The following RAPH1 variants were observed in gnomAD, a reference collection of about 807,000 sequenced individuals.
RAPH1 encodes the protein ras-associated and pleckstrin homology domains-containing protein 1.
A neutral mutation model predicts 88.1 loss-of-function variants in RAPH1; 18 were observed. That is an observed-to-expected ratio of 0.20 (90% CI 0.14 to 0.30). RAPH1 has a LOEUF of 0.30. Among genes scored for constraint, RAPH1 ranks in the 10% least tolerant of loss-of-function variants. RAPH1 has a pLI of 1.00. For missense variants in RAPH1, 1,448 were observed against 1,543.2 expected (o/e 0.94, Z 1.03); for synonymous variants, 587 against 559.0 (o/e 1.05, Z -0.71).
At position 203,440,086 on chromosome 2, in the gene RAPH1, A is replaced by C; in HGVS notation, c.3104T>G (p.Val1035Gly). Residue 1035 changes from valine (V) to glycine (G), a missense_variant, in exon 14 of 14, where the codon GTC becomes GGC. Physicochemically the swap from Val to Gly is moderately radical, Grantham distance 109. This residue lies in a region of RAPH1 where 935 missense variants were observed against 890.1 expected (regional missense o/e 1.05). Coordinates refer to ENST00000319170, the MANE Select transcript of RAPH1 (RefSeq NM_213589.3). ...TTGTTGGAGAACTCCAGGAAGGTTGACTCCAGAAAGATTGAGTTTTCCAGG... is the reference window on the plus strand; with the variant it reads ...TTGTTGGAGAACTCCAGGAAGGTTGCCTCCAGAAAGATTGAGTTTTCCAGG... ...PKPGKLNLSG[V>G]NLPGVLQQGC... is the part of the protein sequence containing the mutation. 1.2e-6 allele frequency: 2 copies of C among 1,613,216 alleles called. No individual in the cohort carries two copies. Among genetic ancestry groups the C allele is most frequent in the Non-Finnish European group, 1.7e-6 (2 of 1,179,934 alleles).
Position 203,509,091 on chromosome 2 carries a change from AAG to A in RAPH1, c.1-13740_1-13739del, listed in dbSNP as rs1248680580. ...ATTTTTTTTTTTTTTTTTTTTTTTT[AAG>A]AGAGAGTCGCTCTGTCACTCAGGCT... On this transcript the variant is annotated intron_variant, in intron 1 of 13. Transcript: ENST00000319170. 1.2e-4 allele frequency among the ~76,000 whole-genome samples: 15 copies of A among 128,966 alleles called. No homozygotes were observed. In the South Asian group the frequency reaches 1.5e-3, roughly 13 times the overall value. 84.6% of individuals were successfully genotyped at this position (128,966 alleles called of 152,430 possible). A position where few individuals can be genotyped will look rare whatever the true frequency, so the allele number is the denominator to read the frequency against.
At chr2:203,442,667 C>T (rs1000846982) in intron 13 of RAPH1, 2 of 152,248 alleles carry the variant, frequency 1.3e-5, no homozygotes, top group African/African-American at 4.8e-5. Flanking sequence ...TCATTTGGCA[C>T]CTGAGACTGA....
rs1294091848 is a variant in RAPH1, at chr2:203,454,531, C to G, written c.1312G>C (p.Asp438His). ...TCCAGCTGGAGAAAGCACACCAGAT[C>G]CCGAGAGACCTAAGATAAAAACACC... is the stretch of plus-strand genomic sequence containing the variant. Reference protein sequence around the residue: ...VPKGKAKVSRDLVCFLQLDHV... With the variant: ...VPKGKAKVSRHLVCFLQLDHV... Residue 438 changes from aspartate to histidine, a missense_variant, in exon 10 of 14, where the codon GAT becomes CAT. Around this residue, in one of 2 missense-constraint regions of RAPH1, gnomAD observed 513 missense variants for 653.1 expected, o/e 0.79. Transcript: ENST00000319170. The G allele has an allele frequency of 2.5e-6, 4 of 1,611,600 alleles. No homozygotes were observed. The highest frequency in any genetic ancestry group is 3.4e-6 in the Non-Finnish European group (4 of 1,178,456).
rs551303939 is a variant in RAPH1 at position 203,468,701 on chromosome 2, CAATA to C, written c.733-6780_733-6777del. Among the ~76,000 whole-genome samples the C allele has an allele frequency of 4.8e-4, 73 of 152,142 alleles. 2 individuals carry two copies. Among genetic ancestry groups the C allele is most frequent in the African/African-American group, 1.8e-3 (73 of 41,502 alleles). On this transcript the variant is annotated intron_variant, in intron 4 of 13. Transcript: ENST00000319170. ...TCCCAGCACCTGGCAGTTCATGGCT[CAATA>C]AATATTGTTGAATTGGCAATGAAAA...
intron 4 of RAPH1, among the ~76,000 whole-genome samples, chr2:203,467,581 A>C (rs2098529586): frequency 6.6e-6 from 1 of 152,026 alleles, no homozygotes; most frequent in African/African-American, 2.4e-5. Flanking sequence ...CCTGGGTGAC[A>C]CAGCAAGACT....
rs1185109931 is a variant in RAPH1, at chr2:203,508,619, T to C, written c.1-13266A>G. 3.3e-5 allele frequency among the ~76,000 whole-genome samples: 5 copies of C among 151,920 alleles called. No homozygotes were observed. In the East Asian group the frequency reaches 7.7e-4, roughly 23 times the overall value. Reference sequence around the variant, plus strand: ...TGATCCATGTTTGGCTGAAAAAAAATCTGCATACAAGCAGACCCACACAGT... The same window carrying C: ...TGATCCATGTTTGGCTGAAAAAAAACCTGCATACAAGCAGACCCACACAGT... On this transcript the variant is annotated intron_variant, in intron 1 of 13. Coordinates refer to ENST00000319170, the MANE Select transcript of RAPH1 (RefSeq NM_213589.3).
At chr2:203,526,846 G>A (rs1027037068) in intron 1 of RAPH1, among the ~76,000 whole-genome samples, 1 of 149,420 alleles carries the variant, frequency 6.7e-6, no homozygotes, top group Admixed American at 6.7e-5. Context: ...GTGCAATGGT[G>A]CGATCTCAGC....
chr2:203,472,889 A>G (rs1466912244), intron 4 of RAPH1, among the ~76,000 whole-genome samples: 1 of 152,232 alleles, frequency 6.6e-6, no homozygotes, highest in Non-Finnish European at 1.5e-5. Flanking sequence ...AATGATATTT[A>G]ATTGTATCTG....
intron 1 of RAPH1, among the ~76,000 whole-genome samples, chr2:203,525,651 C>T (rs1221039711): frequency 6.6e-6 from 1 of 152,074 alleles, no homozygotes; most frequent in African/African-American, 2.4e-5. Context: ...GTGATGCACA[C>T]CTGTAATCCC....
intron 1 of RAPH1, among the ~76,000 whole-genome samples, chr2:203,526,007 A>G (rs1690098648): frequency 6.7e-6 from 1 of 149,232 alleles, no homozygotes; most frequent in Admixed American, 6.6e-5. Flanking sequence ...GAAAAAAAAT[A>G]CTATGGACAT....
intron 13 of RAPH1, chr2:203,441,702 A>G (rs2098504364): frequency 4.6e-6 from 6 of 1,306,248 alleles, no homozygotes; most frequent in Non-Finnish European, 3.9e-6. Flanking sequence ...GAATGGTGAC[A>G]GGATGCATGA....
intron 10 of RAPH1, 56 bp downstream of exon 10, chr2:203,454,353 CAACAGTTCTAAAATATCCAAT>C (rs1438086116): frequency 2.1e-6 from 2 of 940,712 alleles, no homozygotes; most frequent in Non-Finnish European, 3.2e-6. Flanking sequence ...GATGGAATCT[CAACAGTTCTAAAATATCCAAT>C]AACCTGCTCT....
chr2:203,501,387 A>G (rs1418424168), intron 1 of RAPH1, among the ~76,000 whole-genome samples: 1 of 152,220 alleles, frequency 6.6e-6, no homozygotes, highest in East Asian at 1.9e-4. Flanking sequence ...CAAGACCTTT[A>G]GTTCTGCTGT....
chr2:203,453,523 G>C (rs1192894765), intron 10 of RAPH1, among the ~76,000 whole-genome samples: 1 of 137,344 alleles, frequency 7.3e-6, no homozygotes, highest in Non-Finnish European at 1.5e-5. Flanking sequence ...TCCAGCCTGG[G>C]TGACAGAGCA....
chr2:203,440,153 G>A lies in RAPH1; in HGVS notation c.3037C>T (p.Pro1013Ser). Residue 1013 changes from proline (P) to serine (S), a missense_variant, in exon 14 of 14, where the codon CCC becomes TCC. By Grantham distance (74) the Pro-to-Ser change is moderately conservative. Coordinates refer to ENST00000319170, the MANE Select transcript of RAPH1 (RefSeq NM_213589.3). ...KFTPPAESGS[P>S]SKETLPPPAA... is the part of the protein sequence containing the mutation. Reference sequence around the variant, plus strand: ...GGAGGTGGTAGGGTCTCCTTGCTGGGAGACCCTGATTCTGCTGGCGGTGTA... The same window carrying A: ...GGAGGTGGTAGGGTCTCCTTGCTGGAAGACCCTGATTCTGCTGGCGGTGTA... The A allele has an allele frequency of 6.2e-7, 1 of 1,613,702 alleles. No individual in the cohort carries two copies. Among genetic ancestry groups the A allele is most frequent in the Non-Finnish European group, 8.5e-7 (1 of 1,180,008 alleles).
chr2:203,444,932 C>T lies in RAPH1; in HGVS notation c.1712G>A (p.Ser571Asn), dbSNP rs1427715989. The T allele has an allele frequency of 6.2e-7, 1 of 1,614,046 alleles. No individual in the cohort carries two copies. Among genetic ancestry groups the T allele is most frequent in the South Asian group, 1.1e-5 (1 of 91,084 alleles). Residue 571 changes from serine (S) to asparagine (N), a missense_variant, in exon 13 of 14, where the codon AGC becomes AAC. Transcript: ENST00000319170. ...TQPAGHVRSQ[S>N]IVSSVFSEAW... Reference sequence around the variant, plus strand: ...TTCAGAGAATACGGAGCTCACAATGCTCTGGGAACGGACGTGTCCTGCTGG... The same window carrying T: ...TTCAGAGAATACGGAGCTCACAATGTTCTGGGAACGGACGTGTCCTGCTGG...
intron 4 of RAPH1, among the ~76,000 whole-genome samples, chr2:203,474,525 T>C (rs2098535719): frequency 6.6e-6 from 1 of 152,204 alleles, no homozygotes; most frequent in Non-Finnish European, 1.5e-5. Context: ...TATTACCCTC[T>C]AAAATAAATG....
At chr2:203,498,249 T>C (rs534649618) in intron 1 of RAPH1, among the ~76,000 whole-genome samples, 1 of 152,328 alleles carries the variant, frequency 6.6e-6, no homozygotes, top group African/African-American at 2.4e-5. Context: ...CTTTAGTAAC[T>C]TTAATGAGTA....
At chr2:203,459,828 T>C in intron 7 of RAPH1, 79 bp downstream of exon 7, 1 of 1,442,356 alleles carries the variant, frequency 6.9e-7, no homozygotes, top group Non-Finnish European at 9.6e-7. Flanking sequence ...ACCAGTCTTT[T>C]AACTCTAACT....
Sources: gnomAD v4.1 joint callset for allele counts (sites outside exome capture counted in the v4.1 genomes callset) on GRCh38, gnomAD v4.1.1 for gene constraint, gnomAD v4.1.1 regional missense constraint, MANE v1.5 for transcripts, NCBI Gene and HGNC (gene_info 2026-07-23, HGNC 2026-07-21) for gene names.